The following PXDNL variants were observed in gnomAD, a reference collection of about 807,000 sequenced individuals.
PXDNL encodes the protein peroxidasin like, also known as probable oxidoreductase PXDNL.
A neutral mutation model predicts 150.8 loss-of-function variants in PXDNL; 145 were observed. The observed-to-expected ratio is 0.96, with a 90% CI of 0.84 to 1.10. The LOEUF is 1.10. PXDNL is among the 50% of genes least tolerant of loss of function. The pLI, the probability that PXDNL is intolerant of heterozygous loss-of-function variation, is 0.00. For synonymous variants in PXDNL, 757 were observed against 725.7 expected (o/e 1.04, Z -0.69); for missense variants, 2,087 against 1,873.9 (o/e 1.11, Z -2.10).
chr8:51,351,566 C>A (rs1806353015), intron 19 of PXDNL, among the ~76,000 whole-genome samples: 1 of 152,184 alleles, frequency 6.6e-6, no homozygotes, highest in South Asian at 2.1e-4. Context: ...TGGGGAGACA[C>A]ATTTTGCTGT....
At chr8:51,603,423 G>C (rs1247799372) in intron 2 of PXDNL, among the ~76,000 whole-genome samples, 2 of 151,862 alleles carry the variant, frequency 1.3e-5, no homozygotes, top group Admixed American at 6.6e-5. Flanking sequence ...TAGTCACCTT[G>C]TGTGTGCTAT....
intron 19 of PXDNL, among the ~76,000 whole-genome samples, chr8:51,353,737 T>C (rs1031230095): frequency 3.3e-5 from 5 of 152,170 alleles, no homozygotes; most frequent in South Asian, 2.1e-4. Context: ...ATTAGTAATA[T>C]TCAGACACAA....
intron 19 of PXDNL, among the ~76,000 whole-genome samples, chr8:51,358,957 A>G (rs1344699089): frequency 2.0e-5 from 3 of 152,200 alleles, no homozygotes; most frequent in Non-Finnish European, 4.4e-5. Context: ...CTTCATGTTC[A>G]GATTTCTGGC....
chr8:51,755,969 A>G (rs1585725359), intron 1 of PXDNL, among the ~76,000 whole-genome samples: 1 of 152,242 alleles, frequency 6.6e-6, no homozygotes, highest in Non-Finnish European at 1.5e-5. Context: ...ATTGCTTTCA[A>G]TGGAATTAGA....
At chr8:51,499,618 G>T in intron 5 of PXDNL, 81 bp downstream of exon 5, 1 of 1,041,792 alleles carries the variant, frequency 9.6e-7, no homozygotes, top group Non-Finnish European at 1.5e-6. Flanking sequence ...AAAGTGGCCT[G>T]ATCTCCACGG....
Position 51,483,644 on chromosome 8 carries a change from A to G in PXDNL, c.523T>C (p.Leu175=). Residue 175 remains leucine, a splice_region_variant and synonymous_variant, in exon 6 of 23, where the codon TTG becomes CTG. Coordinates refer to ENST00000356297, the MANE Select transcript of PXDNL (RefSeq NM_144651.5). ...GTTAATGCACTTGCTTTCACTTACA[A>G]TCTTTTTAATGAATCCAGATTAGAA... ...SFSNLDSLKR[L]RLDSNALVCD... is the part of the protein sequence containing the mutation. The G allele has an allele frequency of 2.0e-6, 3 of 1,508,738 alleles. No homozygotes were observed. The highest frequency in any genetic ancestry group is 2.7e-6 in the Non-Finnish European group (3 of 1,112,164). The allele number at this position is 1,508,738 out of a possible 1,614,324, so 93.5% of individuals were successfully genotyped here.
chr8:51,557,569 T>A (rs905801735), intron 3 of PXDNL, among the ~76,000 whole-genome samples: 5 of 152,188 alleles, frequency 3.3e-5, no homozygotes, highest in Non-Finnish European at 7.3e-5. Flanking sequence ...AAGCCCTGGA[T>A]CTTTTCTACT....
At chr8:51,681,722 T>C (rs1451407104) in intron 1 of PXDNL, among the ~76,000 whole-genome samples, 1 of 152,266 alleles carries the variant, frequency 6.6e-6, no homozygotes, top group African/African-American at 2.4e-5. Flanking sequence ...ATCCAACTTG[T>C]AAATTGAAGC....
chr8:51,779,992 A>G (rs1439412747), intron 1 of PXDNL, among the ~76,000 whole-genome samples: 3 of 151,820 alleles, frequency 2.0e-5, no homozygotes, highest in Non-Finnish European at 4.4e-5. Flanking sequence ...TGTGTGGATC[A>G]CCTGAGGTCA....
At chr8:51,601,603 G>A (rs562506588) in intron 2 of PXDNL, among the ~76,000 whole-genome samples, 11 of 151,910 alleles carry the variant, frequency 7.2e-5, no homozygotes, top group East Asian at 1.9e-4. Flanking sequence ...TGAGCCTATC[G>A]GTGTCATCAT....
In PXDNL at chr8:51,770,524, T is replaced by C. The variant is rs566143004; in HGVS notation, c.164+38657A>G. 1.1e-3 allele frequency among the ~76,000 whole-genome samples: 171 copies of C among 152,296 alleles called. 2 individuals carry two copies. The highest frequency in any genetic ancestry group is 3.8e-3 in the African/African-American group (158 of 41,554). On this transcript the variant is annotated intron_variant, in intron 1 of 22. Coordinates refer to ENST00000356297, the MANE Select transcript of PXDNL (RefSeq NM_144651.5). ...AGAATGTAACTAGCTTTTCTCCCCA[T>C]TGGTCCATGAGTCCAGGAAGAAACA... is the stretch of plus-strand genomic sequence containing the variant.
At chr8:51,472,150 A>T (rs929775082) in intron 8 of PXDNL, 37 bp downstream of exon 8, 2 of 1,324,234 alleles carry the variant, frequency 1.5e-6, no homozygotes, top group African/African-American at 2.9e-5. Context: ...TGGAATCAGA[A>T]GGAGAATCAC....
At position 51,320,867 on chromosome 8, in the gene PXDNL, C is replaced by G; in HGVS notation, c.4177G>C (p.Ala1393Pro). ...ACCCCTCTAACATCTGTACACCCTGCCTGCCTCAGGCGTGCCTCCAGCTTG... is the reference window on the plus strand; with the variant it reads ...ACCCCTCTAACATCTGTACACCCTGGCTGCCTCAGGCGTGCCTCCAGCTTG... Reference protein sequence around the residue: ...INKLEARLRQAGCTDVRGVPR... With the variant: ...INKLEARLRQPGCTDVRGVPR... Residue 1393 changes from alanine to proline, a missense_variant, in exon 22 of 23, where the codon GCA (alanine) becomes CCA (proline). By Grantham distance (27) the Ala-to-Pro change is conservative. Coordinates refer to ENST00000356297, the MANE Select transcript of PXDNL (RefSeq NM_144651.5). 6.2e-7 allele frequency: 1 copy of G among 1,613,874 alleles called. No homozygotes were observed. The highest frequency in any genetic ancestry group is 8.5e-7 in the Non-Finnish European group (1 of 1,179,806).
intron 2 of PXDNL, among the ~76,000 whole-genome samples, chr8:51,627,246 C>T (rs1814380363): frequency 6.6e-6 from 1 of 151,904 alleles, no homozygotes; most frequent in Admixed American, 6.6e-5. Context: ...CTAGTGGTTA[C>T]CAAGTTAAAG....
chr8:51,433,021 C>T (rs570073052), intron 12 of PXDNL, among the ~76,000 whole-genome samples: 44 of 152,160 alleles, frequency 2.9e-4, no homozygotes, highest in Admixed American at 2.0e-3. Context: ...ACCAGCCTGG[C>T]CAACATGGTA....
At chr8:51,489,759 C>A (rs1420912448) in intron 5 of PXDNL, among the ~76,000 whole-genome samples, 2 of 152,128 alleles carry the variant, frequency 1.3e-5, no homozygotes, top group Non-Finnish European at 2.9e-5. Context: ...AATTTTATAA[C>A]AGACAACCTA....
chr8:51,670,508 A>G (rs531030616), intron 1 of PXDNL, among the ~76,000 whole-genome samples: 4 of 152,330 alleles, frequency 2.6e-5, no homozygotes, highest in Admixed American at 2.0e-4. Flanking sequence ...ATTGTAGGCA[A>G]TTGTAATACA....
At chr8:51,471,844 G>A (rs1250454865) in intron 8 of PXDNL, among the ~76,000 whole-genome samples, 10 of 151,750 alleles carry the variant, frequency 6.6e-5, no homozygotes, top group Admixed American at 2.6e-4. Flanking sequence ...TCACCACCAC[G>A]CCCAGCTAAT....
intron 1 of PXDNL, among the ~76,000 whole-genome samples, chr8:51,657,375 T>C (rs1196294443): frequency 2.0e-5 from 3 of 152,228 alleles, no homozygotes; most frequent in Admixed American, 6.5e-5. Context: ...GTTATATGGT[T>C]GTTAAAACTT....
Sources: allele counts gnomAD v4.1 joint callset (sites outside exome capture counted in the v4.1 genomes callset), GRCh38; gene constraint gnomAD v4.1.1; transcripts MANE v1.5; gene names NCBI Gene and HGNC (gene_info 2026-07-23, HGNC 2026-07-21).